MLIP: variants seen among roughly 807,000 people sequenced by gnomAD.
MLIP encodes the protein muscular LMNA interacting protein, also known as muscular LMNA-interacting protein.
Under a neutral mutation model 84.8 loss-of-function variants are expected in MLIP, and 79 were observed. That is an observed-to-expected ratio of 0.93 (90% CI 0.78 to 1.12). The LOEUF (loss-of-function observed/expected upper bound fraction) is 1.12, where lower values mean the gene tolerates loss of function less well. Among genes scored for constraint, MLIP ranks in the 50% most tolerant of loss-of-function variants. The probability of loss-of-function intolerance (pLI) is 0.00; values close to 1 mark genes in which losing one functional copy is unlikely to be tolerated. For missense variants in MLIP, 1,257 were observed against 1,160.6 expected, an observed-to-expected ratio of 1.08 and a Z score of -1.21; for synonymous variants, 504 against 463.0, an observed-to-expected ratio of 1.09 and a Z score of -1.14.
At chr6:54,188,649 CA>C (rs750418941) in intron 9 of MLIP, among the ~76,000 whole-genome samples, 1 of 151,958 alleles carries the variant, frequency 6.6e-6, no homozygotes, top group Non-Finnish European at 1.5e-5. Context: ...CATTGTGTGG[CA>C]CATTACTATA....
At chr6:54,128,216 G>C (rs1395556815) in intron 3 of MLIP, among the ~76,000 whole-genome samples, 1 of 152,116 alleles carries the variant, frequency 6.6e-6, no homozygotes, top group Non-Finnish European at 1.5e-5. Flanking sequence ...TGCCTTGGTG[G>C]CACTATATGA....
chr6:54,086,853 C>T lies in MLIP; in HGVS notation c.64-34594C>T, dbSNP rs188866974. ...CTTAAATCTTCTTCTTAAAAGTCAC[C>T]TCCAAGGAAGCCTTCTCTGTCCAAC... On this transcript the variant is annotated intron_variant, in intron 1 of 12. Coordinates refer to the MLIP transcript ENST00000274897. 2.0e-5 allele frequency among the ~76,000 whole-genome samples: 3 copies of T among 152,260 alleles called. No individual in the cohort carries two copies. The East Asian group carries it at 5.8e-4, about 29-fold the overall frequency.
intron 5 of MLIP, among the ~76,000 whole-genome samples, chr6:54,157,609 C>A (rs1774167187): frequency 6.6e-6 from 1 of 152,042 alleles, no homozygotes; most frequent in Admixed American, 6.6e-5. Context: ...ATGTGACTAA[C>A]AAACTGTTGT....
At chr6:54,109,924 T>TCTGCCTTCCTTCCTTCCTTC (rs1769306020), upstream of MLIP, among the ~76,000 whole-genome samples, 1 of 65,860 alleles carries the variant, frequency 1.5e-5, no homozygotes, top group African/African-American at 5.0e-5. Context: ...TTTCTTTCTT[T>TCTGCCTTCCTTCCTTCCTTC]CTTCCTTCCT....
intron 13 of MLIP, among the ~76,000 whole-genome samples, chr6:54,261,112 TA>T (rs1783356705): frequency 6.6e-6 from 1 of 152,042 alleles, no homozygotes; most frequent in African/African-American, 2.4e-5. Context: ...TTGACTAAGA[TA>T]AATGATTTCT....
At chr6:54,038,204 T>C (rs141964633) in intron 1 of MLIP, among the ~76,000 whole-genome samples, 37 of 152,036 alleles carry the variant, frequency 2.4e-4, no homozygotes, top group African/African-American at 8.4e-4. Flanking sequence ...TTGGCATAAA[T>C]TAAGGTTGTT....
intron 13 of MLIP, among the ~76,000 whole-genome samples, chr6:54,263,154 C>A (rs942157341): frequency 2.0e-5 from 3 of 151,998 alleles, no homozygotes; most frequent in African/African-American, 7.2e-5. Flanking sequence ...AAGACTATTT[C>A]TAGTTTCCAA....
rs114031404 is a variant in MLIP, at chr6:54,138,043, G to A, written c.1974G>A (p.Arg658=). 4.1e-4 allele frequency: 624 copies of A among 1,535,988 alleles called. 5 individuals carry two copies. The African/African-American group carries it at 7.6e-3, about 19-fold the overall frequency. The change falls in exon 4 of 14, where the codon AGG becomes AGA. Residue 658 remains arginine, a synonymous_variant. Transcript: ENST00000502396. The part of the protein sequence containing the change: ...SADFASLPNL[R]SSSLPHANLP... ...ACTTTGCCTCTCTTCCCAACTTGAG[G>A]TCCTCCTCTCTCCCTCATGCCAATC...
In MLIP at chr6:54,265,735, G is replaced by A. The variant is rs535716645; in HGVS notation, c.2977-215G>A. 1.7e-4 allele frequency among the ~76,000 whole-genome samples: 26 copies of A among 152,200 alleles called. No individual in the cohort carries two copies. The South Asian group carries it at 5.4e-3, about 32-fold the overall frequency. On this transcript the variant is annotated intron_variant, in intron 13 of 13. Transcript: ENST00000502396. ...TCTGCTGAACTGCCAAGAGATTGGA[G>A]TCTGATGTAAAGGTACAGCTGTTTG...
intron 8 of MLIP, among the ~76,000 whole-genome samples, chr6:54,168,908 T>TA (rs1321413892): frequency 6.8e-6 from 1 of 147,114 alleles, no homozygotes; most frequent in Non-Finnish European, 1.5e-5. Context: ...AGAGGAAGAT[T>TA]AAAAAAAGTG....
At chr6:54,224,705 A>C (rs1780457526) in intron 11 of MLIP, among the ~76,000 whole-genome samples, 1 of 151,960 alleles carries the variant, frequency 6.6e-6, no homozygotes, top group Admixed American at 6.6e-5. Flanking sequence ...ATACTGCACC[A>C]TTATATGTTG....
At chr6:54,247,129 C>G (rs1782135290) in intron 12 of MLIP, among the ~76,000 whole-genome samples, 1 of 151,998 alleles carries the variant, frequency 6.6e-6, no homozygotes, top group South Asian at 2.1e-4. Flanking sequence ...TTTAATCATC[C>G]CATATTTGAA....
At chr6:54,216,947 T>A (rs1189776840) in intron 11 of MLIP, 11 of 985,330 alleles carry the variant, frequency 1.1e-5, no homozygotes, top group Non-Finnish European at 1.3e-5. Context: ...CTACTGTTCA[T>A]GATTTTATTA....
chr6:54,132,294 T>C (rs1771445066), intron 3 of MLIP, among the ~76,000 whole-genome samples: 2 of 152,170 alleles, frequency 1.3e-5, no homozygotes, highest in Non-Finnish European at 2.9e-5. Context: ...TTTATATCTA[T>C]GTTAGGATCA....
rs376234291 is a variant in MLIP at position 54,083,171 on chromosome 6, C to A, written c.64-38276C>A. Among the ~76,000 whole-genome samples, 104 of 151,816 alleles carry A rather than the reference C, an allele frequency of 6.9e-4. 1 individual carries two copies. The highest frequency in any genetic ancestry group is 2.3e-3 in the African/African-American group (94 of 41,432). On this transcript the variant is annotated intron_variant, in intron 1 of 12. Coordinates refer to the MLIP transcript ENST00000274897. ...TCTATTTGAAGGCATTTCTGTCAAC[C>A]CTAAGTCATGTAATATATACATATA...
intron 9 of MLIP, among the ~76,000 whole-genome samples, chr6:54,181,428 G>T (rs1334766736): frequency 6.6e-6 from 1 of 152,088 alleles, no homozygotes; most frequent in Non-Finnish European, 1.5e-5. Flanking sequence ...CTCCCTTCTG[G>T]CCCAGGGCTG....
intron 11 of MLIP, chr6:54,218,129 G>C (rs1779974527): frequency 3.0e-6 from 1 of 337,550 alleles, no homozygotes; most frequent in Non-Finnish European, 4.2e-6. Flanking sequence ...AATGGGATAT[G>C]TTTTGAGAAA....
chr6:54,115,461 C>T (rs1055203099), intron 1 of MLIP, among the ~76,000 whole-genome samples: 16 of 151,682 alleles, frequency 1.1e-4, no homozygotes, highest in African/African-American at 2.4e-4. Flanking sequence ...TAGTATGGAG[C>T]GATAAAAAGT....
intron 12 of MLIP, among the ~76,000 whole-genome samples, chr6:54,252,494 A>T (rs978322309): frequency 4.2e-5 from 6 of 141,588 alleles, no homozygotes; most frequent in African/African-American, 1.3e-4. Flanking sequence ...ATAACATAAT[A>T]TAAATATAAT....
Sources: gnomAD v4.1 joint callset for allele counts (sites outside exome capture counted in the v4.1 genomes callset) on GRCh38, gnomAD v4.1.1 for gene constraint, MANE v1.5 for transcripts, NCBI Gene and HGNC (gene_info 2026-07-23, HGNC 2026-07-21) for gene names.